KBTBD12: variants seen among roughly 807,000 people sequenced by gnomAD.
The protein encoded by KBTBD12 is kelch repeat and BTB domain containing 12.
Under a neutral mutation model 58.7 loss-of-function variants are expected in KBTBD12, and 53 were observed. The ratio of observed to expected loss-of-function variants is 0.90; its 90% CI spans 0.72 to 1.14. The LOEUF (loss-of-function observed/expected upper bound fraction) is 1.14, where lower values mean the gene tolerates loss of function less well. Among genes scored for constraint, KBTBD12 ranks in the 50% most tolerant of loss-of-function variants. KBTBD12 has a pLI of 0.00. For missense variants in KBTBD12, 704 were observed against 751.3 expected (o/e 0.94, Z 0.74); for synonymous variants, 236 against 259.8 (o/e 0.91, Z 0.88).
intron 1 of KBTBD12, among the ~76,000 whole-genome samples, chr3:127,916,064 C>T (rs1485015795): frequency 3.3e-5 from 5 of 152,196 alleles, no homozygotes; most frequent in Admixed American, 6.5e-5. Flanking sequence ...TACATTTTCC[C>T]CCAAATGATT....
intron 5 of KBTBD12, among the ~76,000 whole-genome samples, chr3:127,967,287 GAGAAGAAC>G (rs1940594362): frequency 6.6e-6 from 1 of 152,138 alleles, no homozygotes; most frequent in Non-Finnish European, 1.5e-5. Context: ...CCAACATTTG[GAGAAGAAC>G]AATGAAAACT....
chr3:127,983,088 C>T (rs1940900882), intron 5 of KBTBD12, among the ~76,000 whole-genome samples: 1 of 152,234 alleles, frequency 6.6e-6, no homozygotes, highest in Non-Finnish European at 1.5e-5. Context: ...ATTGCTAAAT[C>T]ATTCATATGG....
chr3:127,952,090 T>C (rs1012411523), intron 4 of KBTBD12, among the ~76,000 whole-genome samples: 3 of 152,240 alleles, frequency 2.0e-5, no homozygotes, highest in East Asian at 1.9e-4. Context: ...CACTCTTCTT[T>C]GCCTTGTGAA....
At position 127,923,531 on chromosome 3, in the gene KBTBD12, A is replaced by G; in HGVS notation, c.470A>G (p.Tyr157Cys). Residue 157 changes from tyrosine (Y) to cysteine (C), a missense_variant, in exon 2 of 6, where the codon TAT (tyrosine) becomes TGT (cysteine). Coordinates refer to ENST00000405109, the MANE Select transcript of KBTBD12 (RefSeq NM_207335.4). ...DLSDRSKKYL[Y>C]QHFAEVSLHE... ...TCTGATCGATCAAAGAAATATTTAT[A>G]TCAGCACTTTGCCGAGGTGAGCTTA... The G allele has an allele frequency of 1.2e-6, 2 of 1,612,406 alleles. No individual in the cohort carries two copies. Among genetic ancestry groups the G allele is most frequent in the African/African-American group, 1.3e-5 (1 of 75,052 alleles).
intron 4 of KBTBD12, among the ~76,000 whole-genome samples, chr3:127,958,368 T>G (rs1269876571): frequency 6.6e-6 from 1 of 152,174 alleles, no homozygotes; most frequent in Non-Finnish European, 1.5e-5. Flanking sequence ...CTCTCCACTC[T>G]GTGCTCTCCC....
At chr3:127,934,350 T>A (rs1440903166) in intron 4 of KBTBD12, among the ~76,000 whole-genome samples, 17 of 152,016 alleles carry the variant, frequency 1.1e-4, no homozygotes, top group Non-Finnish European at 1.5e-5. Flanking sequence ...TTTTGATATG[T>A]TAGAAGAAAG....
chr3:127,964,712 A>G (rs1032836636), intron 5 of KBTBD12, among the ~76,000 whole-genome samples: 19 of 152,116 alleles, frequency 1.2e-4, no homozygotes, highest in African/African-American at 4.3e-4. Flanking sequence ...ATTTGTTTTA[A>G]TCTATTCTAG....
At position 127,923,471 on chromosome 3, in the gene KBTBD12, A is replaced by G; in HGVS notation, c.410A>G (p.Tyr137Cys). 6.2e-7 allele frequency: 1 copy of G among 1,611,078 alleles called. No individual in the cohort carries two copies. Among genetic ancestry groups the G allele is most frequent in the South Asian group, 1.1e-5 (1 of 90,888 alleles). Reference protein sequence around the residue: ...HMDASNCLGIYYFAKQIGAED... With the variant: ...HMDASNCLGICYFAKQIGAED... ...GATGCCTCCAACTGTTTAGGTATCT[A>G]TTATTTTGCAAAGCAGATTGGAGCT... Residue 137 changes from tyrosine to cysteine, a missense_variant, in exon 2 of 6, where the codon TAT becomes TGT. Coordinates refer to ENST00000405109, the MANE Select transcript of KBTBD12 (RefSeq NM_207335.4).
At chr3:127,957,223 C>T (rs1232063532) in intron 4 of KBTBD12, among the ~76,000 whole-genome samples, 1 of 152,176 alleles carries the variant, frequency 6.6e-6, no homozygotes, top group East Asian at 1.9e-4. Flanking sequence ...TTCACTTAGA[C>T]ACAAGATAAA....
intron 5 of KBTBD12, among the ~76,000 whole-genome samples, chr3:127,977,256 T>A (rs1237618891): frequency 1.3e-5 from 2 of 152,228 alleles, no homozygotes; most frequent in Non-Finnish European, 2.9e-5. Flanking sequence ...TTAGGTTGAT[T>A]CCAGGTCTTT....
At chr3:127,983,025 C>G (rs376795490) in intron 5 of KBTBD12, among the ~76,000 whole-genome samples, 36 of 152,234 alleles carry the variant, frequency 2.4e-4, no homozygotes, top group Non-Finnish European at 1.5e-5. Context: ...TGACTCCAGC[C>G]GTGCCTCCTC....
At chr3:127,946,714 T>C (rs940540601) in intron 4 of KBTBD12, among the ~76,000 whole-genome samples, 5 of 152,214 alleles carry the variant, frequency 3.3e-5, no homozygotes, top group African/African-American at 1.2e-4. Flanking sequence ...TAAATATTGC[T>C]TCTATTTTGT....
At chr3:127,940,481 A>G (rs577684553) in intron 4 of KBTBD12, among the ~76,000 whole-genome samples, 21 of 152,334 alleles carry the variant, frequency 1.4e-4, no homozygotes, top group African/African-American at 4.8e-4. Context: ...TCCATGGGTT[A>G]AAGACGAAAT....
chr3:127,917,970 G>A (rs1239816527), intron 1 of KBTBD12, among the ~76,000 whole-genome samples: 3 of 152,138 alleles, frequency 2.0e-5, no homozygotes, highest in African/African-American at 7.2e-5. Flanking sequence ...AGCACTTTGG[G>A]AGGCCAGGTC....
chr3:127,975,870 A>G (rs1192826612), intron 5 of KBTBD12, among the ~76,000 whole-genome samples: 1 of 152,240 alleles, frequency 6.6e-6, no homozygotes, highest in Non-Finnish European at 1.5e-5. Flanking sequence ...CAACATTGAC[A>G]TTACAGCGAC....
At chr3:127,944,235 T>C (rs1940022766) in intron 4 of KBTBD12, among the ~76,000 whole-genome samples, 1 of 152,196 alleles carries the variant, frequency 6.6e-6, no homozygotes, top group East Asian at 1.9e-4. Flanking sequence ...TCATTGAAAT[T>C]TTGATGGGGA....
chr3:127,926,749 G>A (rs999485647), intron 2 of KBTBD12, among the ~76,000 whole-genome samples: 1 of 152,104 alleles, frequency 6.6e-6, no homozygotes, highest in South Asian at 2.1e-4. Flanking sequence ...ACACACATAA[G>A]TTCCTAATTT....
chr3:127,985,800 C>T lies in KBTBD12; in HGVS notation c.*1522C>T, dbSNP rs966421454. 2.6e-5 allele frequency: 4 copies of T among 152,326 alleles called. No individual in the cohort carries two copies. The highest frequency in any genetic ancestry group is 2.6e-4 in the Admixed American group (4 of 15,286). The allele number at this position is 152,326 out of a possible 1,614,324, so 9.4% of individuals were successfully genotyped here. On this transcript the variant is annotated 3_prime_UTR_variant, in exon 6 of 6. Transcript: ENST00000405109. The stretch of plus-strand genomic sequence containing the variant: ...CGCACTTGTGCCCCAAGTGCACTCA[C>T]AGTACCTGGCATGTGGGTGACCTCT...
rs772131730 is a variant in KBTBD12, at chr3:127,984,166, C to G, written c.1760C>G (p.Ala587Gly). The change falls in exon 6 of 6, where the codon GCC (alanine) becomes GGC (glycine). Residue 587 changes from alanine (A) to glycine (G), a missense_variant. By Grantham distance (60) the Ala-to-Gly change is moderately conservative. Transcript: ENST00000405109. The stretch of plus-strand genomic sequence containing the variant: ...TGGGAAAACCAGTGGAATGTTGTAG[C>G]CATCAACGTCCTCATGCATGACAGC... ...DPWENQWNVVAINVLMHDSYD... is the reference protein window; with the variant it reads ...DPWENQWNVVGINVLMHDSYD... 1.2e-6 allele frequency: 2 copies of G among 1,613,712 alleles called. No individual in the cohort carries two copies. The highest frequency in any genetic ancestry group is 2.2e-5 in the South Asian group (2 of 91,072).
Sources: allele counts gnomAD v4.1 joint callset (sites outside exome capture counted in the v4.1 genomes callset), GRCh38; gene constraint gnomAD v4.1.1; transcripts MANE v1.5; gene names NCBI Gene and HGNC (gene_info 2026-07-23, HGNC 2026-07-21).